The following SAE1 variants were observed in gnomAD, a reference collection of about 807,000 sequenced individuals.
The protein encoded by SAE1 is SUMO-activating enzyme subunit 1.
SAE1 carries 11 observed loss-of-function variants against 40.6 expected under a neutral mutation model. The observed-to-expected ratio is 0.27, with a 90% CI of 0.17 to 0.45. SAE1 has a LOEUF of 0.45. Among genes scored for constraint, SAE1 ranks in the 20% least tolerant of loss-of-function variants. The pLI is 1.00. For missense variants in SAE1, 373 were observed against 427.3 expected (o/e 0.87, Z 1.12); for synonymous variants, 155 against 154.3 (o/e 1.00, Z -0.03).
chr19:47,163,974 C>A (rs1171505182), intron 5 of SAE1, among the ~76,000 whole-genome samples: 1 of 150,970 alleles, frequency 6.6e-6, no homozygotes, highest in African/African-American at 2.4e-5. Flanking sequence ...TCACCTTGTT[C>A]GCCAGGCTGG....
chr19:47,164,556 A>G (rs1055089895), intron 5 of SAE1, among the ~76,000 whole-genome samples: 1 of 145,068 alleles, frequency 6.9e-6, no homozygotes, highest in Admixed American at 6.9e-5. Flanking sequence ...TATTGAGGTT[A>G]TTGAGGTTAT....
chr19:47,144,161 C>G (rs1303017376), intron 2 of SAE1, among the ~76,000 whole-genome samples: 1 of 151,914 alleles, frequency 6.6e-6, no homozygotes, highest in Non-Finnish European at 1.5e-5. Context: ...TGGCAAAACT[C>G]TGTCTGTACT....
intron 1 of SAE1, among the ~76,000 whole-genome samples, chr19:47,131,681 A>G (rs2123166842): frequency 7.4e-6 from 1 of 135,964 alleles, no homozygotes; most frequent in African/African-American, 2.7e-5. Flanking sequence ...GGCATTGTGG[A>G]GTAGCTTAGG....
intron 5 of SAE1, among the ~76,000 whole-genome samples, chr19:47,166,658 A>G (rs1011710551): frequency 6.6e-6 from 1 of 152,202 alleles, no homozygotes; most frequent in African/African-American, 2.4e-5. Flanking sequence ...AGCTCTTGGT[A>G]ATTTTTGAAA....
At position 47,137,230 on chromosome 19, in the gene SAE1, CA is replaced by C. The variant is rs60528203; in HGVS notation, c.98+6210del. ...ATGGTGACCGTCTCTACTAAAAATA[CA>C]AAAAAAATTAGCCAGGTGTGGTGGT... On this transcript the variant is annotated intron_variant, in intron 1 of 8. Coordinates refer to ENST00000270225, the MANE Select transcript of SAE1 (RefSeq NM_005500.3). 6.0e-4 allele frequency among the ~76,000 whole-genome samples: 91 copies of C among 151,498 alleles called. 1 individual carries two copies. In the East Asian group the frequency reaches 0.017, roughly 29 times the overall value.
Position 47,169,883 on chromosome 19 carries a change from T to C in SAE1, c.693T>C (p.Ala231=), listed in dbSNP as rs1483440601. 1.2e-6 allele frequency: 2 copies of C among 1,614,088 alleles called. No homozygotes were observed. Among genetic ancestry groups the C allele is most frequent in the Non-Finnish European group, 1.7e-6 (2 of 1,180,022 alleles). Residue 231 remains alanine (A), a synonymous_variant, in exon 6 of 9, where the codon GCT becomes GCC. Transcript: ENST00000270225. ...ACTGGAGCAGTGAGAAAGCAAAGGC[T>C]GCTCTGAAGCGCACGACCTCCGACT... The part of the protein sequence containing the change: ...EVDWSSEKAK[A]ALKRTTSDYF...
chr19:47,140,843 TATTTA>T (rs777587043), intron 1 of SAE1, among the ~76,000 whole-genome samples: 11 of 152,038 alleles, frequency 7.2e-5, no homozygotes, highest in South Asian at 4.2e-4. Flanking sequence ...GGCAGTTGAG[TATTTA>T]ATTTAATTTA....
intron 1 of SAE1, among the ~76,000 whole-genome samples, chr19:47,131,415 A>G (rs1443331614): frequency 6.6e-6 from 1 of 152,050 alleles, no homozygotes; most frequent in South Asian, 2.1e-4. Flanking sequence ...ATTCGAGGGT[A>G]TGGGACCTGG....
intron 6 of SAE1, 54 bp downstream of exon 6, chr19:47,169,977 C>T: frequency 1.5e-6 from 2 of 1,342,080 alleles, no homozygotes; most frequent in Non-Finnish European, 2.1e-6. Flanking sequence ...CTGATTTCTG[C>T]AAATGTGGTT....
intron 6 of SAE1, among the ~76,000 whole-genome samples, chr19:47,175,687 A>G (rs897254040): frequency 5.3e-5 from 8 of 152,234 alleles, no homozygotes; most frequent in African/African-American, 1.9e-4. Context: ...CAGTGAGCCG[A>G]GATCGTGCCA....
At position 47,202,681 on chromosome 19, in the gene SAE1, A is replaced by T. The variant is rs991008768; in HGVS notation, c.879-990A>T. ...GTAATCCCAGCGCTTTGGGAGGCCG[A>T]GGCGGGCGGATCACGAGGTCAAGAG... On this transcript the variant is annotated intron_variant, in intron 7 of 8. Coordinates refer to ENST00000270225, the MANE Select transcript of SAE1 (RefSeq NM_005500.3). Among the ~76,000 whole-genome samples, 3 of 149,810 alleles carry T rather than the reference A, an allele frequency of 2.0e-5. No homozygotes were observed. The East Asian group carries it at 6.3e-4, about 32-fold the overall frequency.
chr19:47,158,858 C>A (rs1425620665), intron 5 of SAE1, among the ~76,000 whole-genome samples: 1 of 152,168 alleles, frequency 6.6e-6, no homozygotes. Flanking sequence ...GGCATAGGCT[C>A]ACCCTATGAT....
intron 4 of SAE1, among the ~76,000 whole-genome samples, chr19:47,154,358 T>C (rs1269273618): frequency 6.6e-6 from 1 of 151,582 alleles, no homozygotes; most frequent in Non-Finnish European, 1.5e-5. Flanking sequence ...CACAAAGTAC[T>C]AGGATTACAG....
chr19:47,143,050 G>A (rs1357301650), intron 1 of SAE1, among the ~76,000 whole-genome samples: 1 of 152,156 alleles, frequency 6.6e-6, no homozygotes, highest in African/African-American at 2.4e-5. Flanking sequence ...GTATGGATTA[G>A]AGCCTGTCTC....
chr19:47,150,160 C>T (rs1176724226), intron 2 of SAE1, 42 bp from the exon 3 acceptor site: 8 of 1,337,890 alleles, frequency 6.0e-6, no homozygotes, highest in East Asian at 5.2e-5. Context: ...TTTATTTTCC[C>T]TAAAAATACA....
intron 8 of SAE1, 66 bp from the exon 9 acceptor site, chr19:47,209,093 A>T: frequency 2.0e-6 from 3 of 1,517,206 alleles, no homozygotes; most frequent in East Asian, 2.3e-5. Context: ...TGCTTTTAGA[A>T]TTTTTTTTTC....
At chr19:47,199,152 C>T (rs768194857) in intron 7 of SAE1, among the ~76,000 whole-genome samples, 3 of 151,534 alleles carry the variant, frequency 2.0e-5, no homozygotes, top group South Asian at 2.1e-4. Context: ...TTTGGGAGGC[C>T]GAGACAGGCA....
chr19:47,162,640 T>G (rs2058366030), intron 5 of SAE1, among the ~76,000 whole-genome samples: 1 of 152,152 alleles, frequency 6.6e-6, no homozygotes, highest in Admixed American at 6.6e-5. Context: ...GACCTGGGGA[T>G]TATATTCATC....
At chr19:47,177,414 G>A (rs988194372) in intron 6 of SAE1, among the ~76,000 whole-genome samples, 5 of 152,122 alleles carry the variant, frequency 3.3e-5, no homozygotes, top group Non-Finnish European at 5.9e-5. Flanking sequence ...GCTGGAGTGT[G>A]GTGGCACAAT....
Sources: gnomAD v4.1 joint callset for allele counts (sites outside exome capture counted in the v4.1 genomes callset) on GRCh38, gnomAD v4.1.1 for gene constraint, MANE v1.5 for transcripts, NCBI Gene and HGNC (gene_info 2026-07-23, HGNC 2026-07-21) for gene names.